The following CDH2 variants were observed in gnomAD, a reference collection of about 807,000 sequenced individuals.
The protein encoded by CDH2 is cadherin 2, also known as cadherin-2.
In CDH2, 17 loss-of-function variants were observed where a neutral mutation model predicts 92.0. The ratio of observed to expected loss-of-function variants is 0.18; its 90% CI spans 0.13 to 0.28. CDH2 has a LOEUF of 0.28. CDH2 is among the 10% of genes least tolerant of loss of function. The pLI, the probability that CDH2 is intolerant of heterozygous loss-of-function variation, is 1.00. For synonymous variants in CDH2, 419 were observed against 415.9 expected, an observed-to-expected ratio of 1.01 and a Z score of -0.09; for missense variants, 862 against 1,133.1, an observed-to-expected ratio of 0.76 and a Z score of 3.44.
intron 8 of CDH2, 66 bp downstream of exon 8, chr18:27,993,434 T>G (rs2012485951): frequency 6.6e-7 from 1 of 1,514,168 alleles, no homozygotes; most frequent in African/African-American, 1.4e-5. Context: ...CATTTATTAT[T>G]CATGACCAAC....
At chr18:27,942,170 T>C (rs1909154746) in intron 6 of CDH2, among the ~76,000 whole-genome samples, 1 of 152,214 alleles carries the variant, frequency 6.6e-6, no homozygotes, top group South Asian at 2.1e-4. Flanking sequence ...AATATGTATG[T>C]TAGAATTACA....
chr18:28,018,990 T>C (rs994131429), intron 2 of CDH2, among the ~76,000 whole-genome samples: 4 of 151,808 alleles, frequency 2.6e-5, no homozygotes, highest in African/African-American at 9.7e-5. Flanking sequence ...ACTAATGACA[T>C]CTGCAGCAAC....
At chr18:28,026,296 C>T (rs2013551741) in intron 2 of CDH2, among the ~76,000 whole-genome samples, 1 of 152,126 alleles carries the variant, frequency 6.6e-6, no homozygotes, top group Admixed American at 6.6e-5. Flanking sequence ...AAAATCTTTT[C>T]CCACTATTGT....
intron 6 of CDH2, among the ~76,000 whole-genome samples, chr18:27,944,125 A>T (rs1909210539): frequency 6.6e-6 from 1 of 152,230 alleles, no homozygotes; most frequent in Non-Finnish European, 1.5e-5. Context: ...CTGACCACGG[A>T]TGTTAACAAA....
intron 2 of CDH2, among the ~76,000 whole-genome samples, chr18:28,048,226 T>C (rs922298491): frequency 6.6e-6 from 1 of 152,104 alleles, no homozygotes; most frequent in African/African-American, 2.4e-5. Flanking sequence ...CCACAGCTAA[T>C]GGGCTGCAGT....
intron 12 of CDH2, 47 bp from the exon 13 acceptor site, chr18:27,985,280 G>T: frequency 9.0e-7 from 1 of 1,112,392 alleles, no homozygotes; most frequent in Non-Finnish European, 1.3e-6. Flanking sequence ...TACTTAAAGC[G>T]ATAAAAAAAC....
At chr18:28,153,740 A>G (rs2016162881) in intron 1 of CDH2, among the ~76,000 whole-genome samples, 1 of 152,234 alleles carries the variant, frequency 6.6e-6, no homozygotes, top group South Asian at 2.1e-4. Flanking sequence ...AGGGCAGATG[A>G]GAGGATTAAA....
chr18:28,067,697 T>C (rs555036174), intron 2 of CDH2, among the ~76,000 whole-genome samples: 4 of 152,206 alleles, frequency 2.6e-5, no homozygotes, highest in Non-Finnish European at 2.9e-5. Context: ...TATTTTGTTT[T>C]ACTTTGTTGA....
At chr18:28,065,439 A>G (rs1220029) in intron 2 of CDH2, among the ~76,000 whole-genome samples, 49,313 of 152,082 alleles carry the variant, frequency 0.32, 9,008 homozygotes, top group Middle Eastern at 0.43. Context: ...GTTAACAAGA[A>G]TCCCTTCTAT....
At chr18:27,995,313 CA>C (rs34313496) in intron 7 of CDH2, among the ~76,000 whole-genome samples, 363 of 80,236 alleles carry the variant, frequency 4.5e-3, no homozygotes, top group Middle Eastern at 0.017. Context: ...GACTCCATCT[CA>C]AAAAAAAAAA....
chr18:27,973,074 C>T (rs764217755), intron 14 of CDH2, among the ~76,000 whole-genome samples: 5 of 152,176 alleles, frequency 3.3e-5, no homozygotes, highest in South Asian at 2.1e-4. Flanking sequence ...CCTTGAAGTT[C>T]GCAATCCTAA....
chr18:28,052,870 T>C (rs1437720625), intron 2 of CDH2, among the ~76,000 whole-genome samples: 2 of 152,166 alleles, frequency 1.3e-5, no homozygotes, highest in African/African-American at 4.8e-5. Flanking sequence ...AATTCATGCA[T>C]TAAAATCTTA....
chr18:27,940,501 G>T (rs1303133200), intron 6 of CDH2, among the ~76,000 whole-genome samples: 2 of 152,152 alleles, frequency 1.3e-5, no homozygotes, highest in Non-Finnish European at 2.9e-5. Context: ...AAGAACCCTT[G>T]CCAACTCTTT....
chr18:28,044,201 C>G (rs968832001), intron 2 of CDH2, among the ~76,000 whole-genome samples: 6 of 152,146 alleles, frequency 3.9e-5, no homozygotes, highest in Non-Finnish European at 8.8e-5. Flanking sequence ...GCATGGGCCA[C>G]CACGCCCTGC....
At chr18:28,173,562 T>C (rs2016495010) in intron 1 of CDH2, among the ~76,000 whole-genome samples, 1 of 152,162 alleles carries the variant, frequency 6.6e-6, no homozygotes, top group Non-Finnish European at 1.5e-5. Context: ...TTAAAATCTG[T>C]ACCTAATAGG....
At chr18:28,106,900 G>C (rs1054112440) in intron 2 of CDH2, among the ~76,000 whole-genome samples, 1 of 151,986 alleles carries the variant, frequency 6.6e-6, no homozygotes, top group Admixed American at 6.6e-5. Flanking sequence ...TATAAGCAAG[G>C]AAAGTCAAAA....
chr18:28,072,105 C>T (rs753710168), intron 2 of CDH2, among the ~76,000 whole-genome samples: 4 of 152,058 alleles, frequency 2.6e-5, no homozygotes, highest in Non-Finnish European at 5.9e-5. Context: ...CTCCCTCTCC[C>T]CATGCACCTT....
chr18:27,934,759 G>A (rs911593433), intron 6 of CDH2, among the ~76,000 whole-genome samples: 11 of 152,238 alleles, frequency 7.2e-5, no homozygotes, highest in African/African-American at 2.2e-4. Context: ...CTGGAACAGA[G>A]TCGTGTCTGC....
chr18:28,095,807 C>CAAAAAAAAAAAAAAAAAAAAAAAAA (rs33981188), intron 2 of CDH2, among the ~76,000 whole-genome samples: 3 of 102,934 alleles, frequency 2.9e-5, no homozygotes, highest in African/African-American at 8.2e-5. Flanking sequence ...GCAACTCCAT[C>CAAAAAAAAAAAAAAAAAAAAAAAAA]AAAAAAAAAA....
Sources: allele counts gnomAD v4.1 joint callset (sites outside exome capture counted in the v4.1 genomes callset), GRCh38; gene constraint gnomAD v4.1.1; transcripts MANE v1.5; gene names NCBI Gene and HGNC (gene_info 2026-07-23, HGNC 2026-07-21).